RIC3: variants seen among roughly 807,000 people sequenced by gnomAD.
RIC3 encodes the protein protein RIC-3.
A neutral mutation model predicts 27.3 loss-of-function variants in RIC3; 28 were observed. That is an observed-to-expected ratio of 1.02 (90% CI 0.76 to 1.41). The LOEUF (loss-of-function observed/expected upper bound fraction) is 1.41, where lower values mean the gene tolerates loss of function less well. RIC3 is among the 40% of genes most tolerant of loss of function. RIC3 has a pLI of 0.00. For synonymous variants in RIC3, 184 were observed against 160.4 expected (o/e 1.15, Z -1.11); for missense variants, 501 against 444.7 (o/e 1.13, Z -1.14).
At chr11:8,162,687 C>T (rs1338721042) in intron 1 of RIC3, among the ~76,000 whole-genome samples, 4 of 145,666 alleles carry the variant, frequency 2.7e-5, no homozygotes, top group Non-Finnish European at 6.0e-5. Context: ...ACTCTGTCGC[C>T]CAGGCTGGAA....
At chr11:8,151,344 T>C (rs1565100085) in intron 1 of RIC3, among the ~76,000 whole-genome samples, 3 of 151,664 alleles carry the variant, frequency 2.0e-5, no homozygotes, top group African/African-American at 4.8e-5. Flanking sequence ...TCCCAGCACT[T>C]TGGGAGGCCG....
At chr11:8,095,097 G>A in the RIC3 span, among the ~76,000 whole-genome samples, 1 of 152,254 alleles carries the variant, frequency 6.6e-6, no homozygotes, top group African/African-American at 2.4e-5. Context: ...GTCTGTTTGT[G>A]GAAGAAAACA....
intron 1 of RIC3, among the ~76,000 whole-genome samples, chr11:8,148,563 A>C (rs1279311700): frequency 2.6e-5 from 4 of 152,250 alleles, no homozygotes; most frequent in African/African-American, 9.6e-5. Flanking sequence ...AATTAAAAAC[A>C]GGTAATTACA....
At chr11:8,143,919 G>T (rs529136590) in intron 1 of RIC3, among the ~76,000 whole-genome samples, 1 of 152,280 alleles carries the variant, frequency 6.6e-6, no homozygotes, top group African/African-American at 2.4e-5. Flanking sequence ...AGAAAAACAA[G>T]CAATGGGGAA....
the RIC3 span, chr11:8,094,251 A>G: frequency 1.3e-6 from 2 of 1,524,712 alleles, no homozygotes; most frequent in Non-Finnish European, 1.8e-6. Context: ...GGGCTGGGGA[A>G]GGTTTGTCCT....
At chr11:8,151,998 G>A (rs576217341) in intron 1 of RIC3, among the ~76,000 whole-genome samples, 2 of 151,822 alleles carry the variant, frequency 1.3e-5, no homozygotes, top group Non-Finnish European at 2.9e-5. Flanking sequence ...GCACAGGAAA[G>A]GATGCTTAAC....
chr11:8,162,629 CTTTTTTTTTTT>C (rs757717970), intron 1 of RIC3, among the ~76,000 whole-genome samples: 10,863 of 83,926 alleles, frequency 0.13, 488 homozygotes, highest in Admixed American at 0.21. Context: ...CATGCTTCTT[CTTTTTTTTTTT>C]TTTTTTTTTT....
intron 1 of RIC3, among the ~76,000 whole-genome samples, chr11:8,168,621 G>A (rs1180704271): frequency 1.3e-5 from 2 of 152,210 alleles, no homozygotes; most frequent in African/African-American, 4.8e-5. Context: ...GCCACCTAGA[G>A]GATGCACAGA....
chr11:8,098,790 A>G, the RIC3 span: 1 of 1,614,088 alleles, frequency 6.2e-7, no homozygotes, highest in Non-Finnish European at 8.5e-7. Context: ...TTCACTGTTT[A>G]TGACAATGGA....
intron 4 of RIC3, among the ~76,000 whole-genome samples, chr11:8,131,975 A>G (rs1416135500): frequency 6.6e-6 from 1 of 151,812 alleles, no homozygotes; most frequent in Non-Finnish European, 1.5e-5. Flanking sequence ...CCGACTATAC[A>G]AACACAGTGA....
the RIC3 span, chr11:8,100,866 C>G: frequency 6.2e-7 from 1 of 1,614,146 alleles, no homozygotes; most frequent in Non-Finnish European, 8.5e-7. Flanking sequence ...AATAAGAACA[C>G]GGAGAGTATC....
rs1043423838 is a variant in RIC3, at chr11:8,108,724, T to C, written c.*1974A>G. 8 of 152,204 alleles carry C rather than the reference T, an allele frequency of 5.3e-5. No homozygotes were observed. 9.4% of individuals were successfully genotyped at this position (152,204 alleles called of 1,614,324 possible). A position where few individuals can be genotyped will look rare whatever the true frequency, so the allele number is the denominator to read the frequency against. ...TCTGTCAGGCTCTCTCTCGTCACACTGAGTTTTCTGAGGGTAGAGATTGAG... is the reference window on the plus strand; with the variant it reads ...TCTGTCAGGCTCTCTCTCGTCACACCGAGTTTTCTGAGGGTAGAGATTGAG... On this transcript the variant is annotated 3_prime_UTR_variant, in exon 6 of 6. Coordinates refer to ENST00000309737, the MANE Select transcript of RIC3 (RefSeq NM_001206671.4).
chr11:8,137,581 C>A, intron 3 of RIC3, 110 bp from the exon 4 acceptor site: 2 of 681,588 alleles, frequency 2.9e-6, no homozygotes, highest in Non-Finnish European at 4.8e-6. Flanking sequence ...CCATTACTAT[C>A]TCATTGAAGA....
chr11:8,143,585 T>G (rs1949313222), intron 1 of RIC3, among the ~76,000 whole-genome samples: 1 of 152,008 alleles, frequency 6.6e-6, no homozygotes, highest in Non-Finnish European at 1.5e-5. Flanking sequence ...ATCAGTATCG[T>G]GAAAATGGCC....
chr11:8,143,876 A>T (rs1422169868), intron 1 of RIC3, among the ~76,000 whole-genome samples: 1 of 152,218 alleles, frequency 6.6e-6, no homozygotes, highest in African/African-American at 2.4e-5. Flanking sequence ...ATAACGCCGC[A>T]TATCTACAAC....
At chr11:8,122,565 C>T (rs1276208169) in intron 5 of RIC3, among the ~76,000 whole-genome samples, 12 of 152,010 alleles carry the variant, frequency 7.9e-5, no homozygotes, top group Non-Finnish European at 1.2e-4. Flanking sequence ...GACTCATATG[C>T]AAAAGTTCAT....
chr11:8,156,952 T>C (rs1042485045), intron 1 of RIC3, among the ~76,000 whole-genome samples: 4 of 152,198 alleles, frequency 2.6e-5, no homozygotes, highest in African/African-American at 9.6e-5. Context: ...TTTTATTTGG[T>C]GTATATCATA....
At chr11:8,151,768 T>C (rs372637447) in intron 1 of RIC3, among the ~76,000 whole-genome samples, 3 of 150,524 alleles carry the variant, frequency 2.0e-5, no homozygotes, top group African/African-American at 7.3e-5. Flanking sequence ...ACAAAAAAAT[T>C]ACATGGGCGT....
At position 8,109,343 on chromosome 11, in the gene RIC3, C is replaced by T. The variant is rs1026465488; in HGVS notation, c.*1355G>A. ...AATGTCTTTGGGAATGTGCCCTCTT[C>T]GAACTCTCAGGTCTTACATGTAAAC... On this transcript the variant is annotated 3_prime_UTR_variant, in exon 6 of 6. Coordinates refer to ENST00000309737, the MANE Select transcript of RIC3 (RefSeq NM_001206671.4). 2.1e-4 allele frequency: 32 copies of T among 152,178 alleles called. No individual in the cohort carries two copies. Among genetic ancestry groups the T allele is most frequent in the African/African-American group, 7.2e-4 (30 of 41,424 alleles). The allele number at this position is 152,178 out of a possible 1,614,324, so 9.4% of individuals were successfully genotyped here. A position where few individuals can be genotyped will look rare whatever the true frequency, so the allele number is the denominator to read the frequency against.
Sources: gnomAD v4.1 joint callset for allele counts (sites outside exome capture counted in the v4.1 genomes callset) on GRCh38, gnomAD v4.1.1 for gene constraint, MANE v1.5 for transcripts, NCBI Gene and HGNC (gene_info 2026-07-23, HGNC 2026-07-21) for gene names.